SLC10A7: variants seen among roughly 807,000 people sequenced by gnomAD.
SLC10A7 encodes sodium/bile acid cotransporter 7.
Under a neutral mutation model 43.2 loss-of-function variants are expected in SLC10A7, and 29 were observed. That is an observed-to-expected ratio of 0.67 (90% CI 0.50 to 0.92). The LOEUF is 0.92. Among genes scored for constraint, SLC10A7 ranks in the 40% least tolerant of loss-of-function variants. The probability of loss-of-function intolerance (pLI) is 0.00; values close to 1 mark genes in which losing one functional copy is unlikely to be tolerated. For synonymous variants in SLC10A7, 152 were observed against 144.8 expected, an observed-to-expected ratio of 1.05 and a Z score of -0.35; for missense variants, 295 against 403.2, an observed-to-expected ratio of 0.73 and a Z score of 2.30.
intron 4 of SLC10A7, among the ~76,000 whole-genome samples, chr4:146,477,257 C>T (rs1182037504): frequency 6.6e-6 from 1 of 152,206 alleles, no homozygotes; most frequent in African/African-American, 2.4e-5. Context: ...CTAAAGCTGA[C>T]TAATCATGCT....
intron 7 of SLC10A7, among the ~76,000 whole-genome samples, chr4:146,297,166 T>C (rs1410194056): frequency 6.6e-6 from 1 of 152,186 alleles, no homozygotes; most frequent in Non-Finnish European, 1.5e-5. Context: ...CAGAGAAATG[T>C]AGGCGTTCAA....
chr4:146,493,296 A>T (rs1201550762), intron 4 of SLC10A7, among the ~76,000 whole-genome samples: 2 of 152,250 alleles, frequency 1.3e-5, no homozygotes, highest in Non-Finnish European at 2.9e-5. Flanking sequence ...TGATATTTAA[A>T]ATATAACTAA....
chr4:146,470,768 C>G (rs770855066), intron 4 of SLC10A7, among the ~76,000 whole-genome samples: 1 of 152,180 alleles, frequency 6.6e-6, no homozygotes, highest in Non-Finnish European at 1.5e-5. Flanking sequence ...AAACTTTCTG[C>G]ATTTGCTGAC....
intron 5 of SLC10A7, among the ~76,000 whole-genome samples, chr4:146,440,659 A>AC (rs1730529235): frequency 6.6e-6 from 1 of 152,190 alleles, no homozygotes; most frequent in Non-Finnish European, 1.5e-5. Flanking sequence ...GGTTGTTGTA[A>AC]CTATGGTGAA....
intron 7 of SLC10A7, among the ~76,000 whole-genome samples, chr4:146,304,013 A>G (rs2149678691): frequency 6.6e-6 from 1 of 151,516 alleles, no homozygotes; most frequent in South Asian, 2.1e-4. Context: ...TGTTCACTTT[A>G]GTTGTGCATT....
At chr4:146,516,858 C>G (rs756121756) in intron 2 of SLC10A7, among the ~76,000 whole-genome samples, 180 bp downstream of exon 2, 32 of 152,150 alleles carry the variant, frequency 2.1e-4, no homozygotes, top group Non-Finnish European at 4.0e-4. Flanking sequence ...AACTGTACAG[C>G]TTTTATAATA....
chr4:146,381,817 A>G (rs1737643016), intron 5 of SLC10A7, among the ~76,000 whole-genome samples: 1 of 152,076 alleles, frequency 6.6e-6, no homozygotes, highest in African/African-American at 2.4e-5. Flanking sequence ...CAGCCATATT[A>G]TCAATCACCT....
At chr4:146,414,197 A>T (rs899711988) in intron 5 of SLC10A7, among the ~76,000 whole-genome samples, 2 of 152,298 alleles carry the variant, frequency 1.3e-5, no homozygotes, top group South Asian at 4.1e-4. Context: ...CCTCCTCAAC[A>T]TGACTAGGAA....
intron 5 of SLC10A7, among the ~76,000 whole-genome samples, chr4:146,416,060 T>A (rs564125205): frequency 6.6e-6 from 1 of 152,330 alleles, no homozygotes; most frequent in Admixed American, 6.5e-5. Context: ...TTCTCAGGTA[T>A]GTTCAGAACC....
intron 3 of SLC10A7, among the ~76,000 whole-genome samples, chr4:146,507,553 C>G (rs914086180): frequency 6.6e-6 from 1 of 152,008 alleles, no homozygotes; most frequent in Non-Finnish European, 1.5e-5. Flanking sequence ...GAGTGAGACT[C>G]TGTCTCAAAA....
chr4:146,388,427 T>C (rs1322510043), intron 5 of SLC10A7, among the ~76,000 whole-genome samples: 2 of 152,096 alleles, frequency 1.3e-5, no homozygotes, highest in Non-Finnish European at 2.9e-5. Context: ...TAACTCAAGA[T>C]GGATTAAAGA....
intron 5 of SLC10A7, among the ~76,000 whole-genome samples, chr4:146,355,895 G>A (rs1373091449): frequency 9.0e-6 from 1 of 111,284 alleles, no homozygotes; most frequent in Non-Finnish European, 1.8e-5. Flanking sequence ...GTGGTGGGGT[G>A]GGGGGAGGGG....
At chr4:146,387,324 CAATA>C (rs1231069096) in intron 5 of SLC10A7, among the ~76,000 whole-genome samples, 1 of 152,170 alleles carries the variant, frequency 6.6e-6, no homozygotes, top group Admixed American at 6.5e-5. Context: ...ATATGCAAAT[CAATA>C]AATGTGATTC....
At position 146,292,920 on chromosome 4, in the gene SLC10A7, A is replaced by C; in HGVS notation, c.773+9T>G. On this transcript the variant is annotated intron_variant, in intron 9 of 11. Transcript: ENST00000335472. Reference sequence around the variant, plus strand: ...GAAAACTAATAACAAGAGATACCAAATCACTTACCTTGTTGAAAAGATGAA... The same window carrying C: ...GAAAACTAATAACAAGAGATACCAACTCACTTACCTTGTTGAAAAGATGAA... The C allele has an allele frequency of 1.3e-6, 2 of 1,577,948 alleles. No individual in the cohort carries two copies. The highest frequency in any genetic ancestry group is 2.3e-5 in the South Asian group (2 of 88,404).
intron 9 of SLC10A7, among the ~76,000 whole-genome samples, chr4:146,290,185 G>A (rs541737601): frequency 5.9e-5 from 9 of 151,384 alleles, no homozygotes; most frequent in South Asian, 2.1e-4. Context: ...TTAGCCAGGC[G>A]TGGTGGCGGG....
intron 5 of SLC10A7, chr4:146,442,149 A>C (rs1269738804): frequency 2.1e-6 from 2 of 969,520 alleles, no homozygotes; most frequent in African/African-American, 3.5e-5. Context: ...CCTCTGTTAC[A>C]TCATTTATTT....
chr4:146,442,444 C>G (rs1730678209), intron 5 of SLC10A7: 1 of 1,037,796 alleles, frequency 9.6e-7, no homozygotes, highest in African/African-American at 1.7e-5. Flanking sequence ...TTTTCAAAAT[C>G]CTCAGTCCCA....
At chr4:146,305,343 C>A (rs1363997641) in intron 7 of SLC10A7, among the ~76,000 whole-genome samples, 1 of 150,140 alleles carries the variant, frequency 6.7e-6, no homozygotes, top group Admixed American at 6.7e-5. Flanking sequence ...CCAAACACCA[C>A]ATATTCTCAC....
chr4:146,294,814 T>C (rs955266411), intron 7 of SLC10A7, among the ~76,000 whole-genome samples: 3 of 152,214 alleles, frequency 2.0e-5, no homozygotes, highest in African/African-American at 7.2e-5. Context: ...TTCTGTCTTA[T>C]TTTAAAATCA....
Sources: gnomAD v4.1 joint callset for allele counts (sites outside exome capture counted in the v4.1 genomes callset) on GRCh38, gnomAD v4.1.1 for gene constraint, MANE v1.5 for transcripts, NCBI Gene and HGNC (gene_info 2026-07-23, HGNC 2026-07-21) for gene names.